Variants in ERC2 observed in about 807,000 individuals in gnomAD.
The protein encoded by ERC2 is ERC protein 2.
Under a neutral mutation model 114.8 loss-of-function variants are expected in ERC2, and 42 were observed. That is an observed-to-expected ratio of 0.37 (90% CI 0.29 to 0.47). The LOEUF is 0.47. ERC2 is among the 20% of genes least tolerant of loss of function. The probability of loss-of-function intolerance (pLI) is 0.99; values close to 1 mark genes in which losing one functional copy is unlikely to be tolerated. For missense variants in ERC2, 939 were observed against 1,150.7 expected, an observed-to-expected ratio of 0.82 and a Z score of 2.66; for synonymous variants, 454 against 425.5, an observed-to-expected ratio of 1.07 and a Z score of -0.82.
chr3:55,535,200 T>C (rs1200955460), intron 17 of ERC2, among the ~76,000 whole-genome samples: 1 of 152,242 alleles, frequency 6.6e-6, no homozygotes, highest in East Asian at 1.9e-4. Context: ...CCCTTCATCT[T>C]GCCTGACTTG....
chr3:55,734,943 T>C (rs369995996), intron 14 of ERC2, 25 bp from the exon 15 acceptor site: 4 of 1,501,374 alleles, frequency 2.7e-6, no homozygotes, highest in Admixed American at 2.5e-5. Context: ...ATTATTGAGA[T>C]CATTTTTGTA....
chr3:55,816,976 T>C (rs1399564905), intron 14 of ERC2, among the ~76,000 whole-genome samples: 2 of 152,144 alleles, frequency 1.3e-5, no homozygotes, highest in African/African-American at 4.8e-5. Flanking sequence ...TGTGTCAAGA[T>C]TCCTCAGAAT....
chr3:56,296,520 C>G (rs2055447799), intron 2 of ERC2, 85 bp from the exon 3 acceptor site: 1 of 1,376,474 alleles, frequency 7.3e-7, no homozygotes, highest in African/African-American at 1.5e-5. Flanking sequence ...TGCCACCACA[C>G]TATGAAGATG....
intron 6 of ERC2, among the ~76,000 whole-genome samples, chr3:56,106,501 G>C (rs750030960): frequency 2.0e-4 from 30 of 152,138 alleles, no homozygotes; most frequent in Non-Finnish European, 3.2e-4. Context: ...TTTAACTTGG[G>C]GTTGTCTTTA....
At chr3:55,609,450 ACC>A (rs1559736985) in intron 17 of ERC2, among the ~76,000 whole-genome samples, 1 of 152,142 alleles carries the variant, frequency 6.6e-6, no homozygotes, top group Admixed American at 6.6e-5. Context: ...GCTTGGAGTG[ACC>A]GGAGGGAAGA....
intron 7 of ERC2, among the ~76,000 whole-genome samples, chr3:56,049,346 T>C (rs2075645788): frequency 1.3e-5 from 2 of 152,046 alleles, no homozygotes; most frequent in South Asian, 4.2e-4. Flanking sequence ...CTTTAACAGG[T>C]GAAGGAACAA....
At chr3:56,097,899 G>T (rs1187117315) in intron 6 of ERC2, among the ~76,000 whole-genome samples, 1 of 152,156 alleles carries the variant, frequency 6.6e-6, no homozygotes, top group African/African-American at 2.4e-5. Context: ...TTCTAAGAGG[G>T]AGATACAGAG....
chr3:55,880,657 C>T (rs979932571), intron 14 of ERC2, among the ~76,000 whole-genome samples: 30 of 151,932 alleles, frequency 2.0e-4, no homozygotes, highest in African/African-American at 7.0e-4. Flanking sequence ...TGGAACTGAG[C>T]AGGTAGTAAA....
intron 14 of ERC2, among the ~76,000 whole-genome samples, chr3:55,768,060 T>C (rs1057082775): frequency 1.3e-5 from 2 of 152,182 alleles, no homozygotes; most frequent in African/African-American, 4.8e-5. Flanking sequence ...CTCTTCCTCC[T>C]TTTTCTGGCC....
intron 14 of ERC2, among the ~76,000 whole-genome samples, chr3:55,755,091 T>C (rs1559602901): frequency 6.6e-6 from 1 of 152,130 alleles, no homozygotes; most frequent in Non-Finnish European, 1.5e-5. Flanking sequence ...TTCTTTTTTT[T>C]TTTTCATCTT....
At position 55,510,170 on chromosome 3, in the gene ERC2, C is replaced by G. The variant is rs1197855083; in HGVS notation, c.*1146G>C. The stretch of plus-strand genomic sequence containing the variant: ...CATACATGTTGTGTAGAGCTATATA[C>G]AGAGACACAGCTTTTGTGATTGTTC... On this transcript the variant is annotated 3_prime_UTR_variant, in exon 18 of 18. Transcript: ENST00000288221. The G allele has an allele frequency of 6.6e-6, 1 of 151,446 alleles. No homozygotes were observed. Among genetic ancestry groups the G allele is most frequent in the African/African-American group, 2.4e-5 (1 of 40,970 alleles). 9.4% of individuals were successfully genotyped at this position (151,446 alleles called of 1,614,324 possible).
chr3:56,449,189 G>A (rs1343095002), intron 1 of ERC2, among the ~76,000 whole-genome samples: 1 of 152,068 alleles, frequency 6.6e-6, no homozygotes, highest in Non-Finnish European at 1.5e-5. Context: ...CCTAGGATGT[G>A]CACAGTGGTA....
In ERC2 at chr3:55,630,416, G is replaced by C. The variant is rs1259352855; in HGVS notation, c.*39+53378C>G. On this transcript the variant is annotated intron_variant, in intron 17 of 17. Transcript: ENST00000288221. Reference sequence around the variant, plus strand: ...ACTCCCAACCTCAGGTGATTCACCCGCCTCGACCTTCCAAAGTGCTGGGAT... The same window carrying C: ...ACTCCCAACCTCAGGTGATTCACCCCCCTCGACCTTCCAAAGTGCTGGGAT... 2.6e-5 allele frequency among the ~76,000 whole-genome samples: 4 copies of C among 152,108 alleles called. No homozygotes were observed. The South Asian group carries it at 6.2e-4, about 24-fold the overall frequency.
At chr3:55,735,006 G>A in intron 14 of ERC2, 88 bp from the exon 15 acceptor site, 1 of 1,329,772 alleles carries the variant, frequency 7.5e-7, no homozygotes, top group Non-Finnish European at 1.0e-6. Context: ...GAACCACAGA[G>A]TATTGTCTCA....
At chr3:56,420,616 T>G (rs1435701388) in intron 2 of ERC2, among the ~76,000 whole-genome samples, 1 of 151,700 alleles carries the variant, frequency 6.6e-6, no homozygotes, top group Non-Finnish European at 1.5e-5. Context: ...CCGGGTGTGG[T>G]GGCTCACTCC....
In ERC2 at chr3:55,586,682, G is replaced by T. The variant is rs375036951; in HGVS notation, c.*40-75406C>A. Among the ~76,000 whole-genome samples, 418 of 152,132 alleles carry T rather than the reference G, an allele frequency of 2.7e-3. 2 individuals carry two copies. The highest frequency in any genetic ancestry group is 9.2e-3 in the African/African-American group (381 of 41,502). On this transcript the variant is annotated intron_variant, in intron 17 of 17. Transcript: ENST00000288221. ...CTCCTTAACCCCCTCTCCTCTTACC[G>T]TAGGAAAGAAAATGCAAATGCCTTG...
chr3:56,270,119 A>G (rs543366640), intron 3 of ERC2, among the ~76,000 whole-genome samples: 10 of 152,286 alleles, frequency 6.6e-5, no homozygotes, highest in African/African-American at 2.2e-4. Context: ...ATAATTGTCA[A>G]TTAGCTGAAA....
chr3:56,458,811 A>C (rs933913538), intron 1 of ERC2, among the ~76,000 whole-genome samples: 4 of 152,202 alleles, frequency 2.6e-5, no homozygotes, highest in Non-Finnish European at 5.9e-5. Context: ...GAAGGAAAGA[A>C]AAGACATCAA....
At chr3:55,948,707 T>G (rs1002400933) in intron 13 of ERC2, among the ~76,000 whole-genome samples, 2 of 152,188 alleles carry the variant, frequency 1.3e-5, no homozygotes, top group South Asian at 4.1e-4. Context: ...CAAAAGTTCA[T>G]GGGCCAAAAC....
Sources: gnomAD v4.1 joint callset for allele counts (sites outside exome capture counted in the v4.1 genomes callset) on GRCh38, gnomAD v4.1.1 for gene constraint, MANE v1.5 for transcripts, NCBI Gene and HGNC (gene_info 2026-07-23, HGNC 2026-07-21) for gene names.